Variants in TENM3 observed in about 807,000 individuals in gnomAD.
The protein encoded by TENM3 is teneurin-3.
A neutral mutation model predicts 255.1 loss-of-function variants in TENM3; 63 were observed. The ratio of observed to expected loss-of-function variants is 0.25; its 90% CI spans 0.20 to 0.30. The LOEUF (loss-of-function observed/expected upper bound fraction) is 0.30, where lower values mean the gene tolerates loss of function less well. Among genes scored for constraint, TENM3 ranks in the 10% least tolerant of loss-of-function variants. The pLI is 1.00. For synonymous variants in TENM3, 1,306 were observed against 1,322.3 expected, an observed-to-expected ratio of 0.99 and a Z score of 0.27; for missense variants, 2,929 against 3,461.1, an observed-to-expected ratio of 0.85 and a Z score of 3.86.
At chr4:182,569,592 G>A (rs1028495476) in intron 3 of TENM3, among the ~76,000 whole-genome samples, 4 of 151,854 alleles carry the variant, frequency 2.6e-5, no homozygotes, top group African/African-American at 9.7e-5. Context: ...AGGAAAGTAG[G>A]GTACCAAATT....
At chr4:182,784,928 G>T (rs376476332) in intron 24 of TENM3, among the ~76,000 whole-genome samples, 56 of 152,192 alleles carry the variant, frequency 3.7e-4, no homozygotes, top group African/African-American at 1.2e-3. Context: ...CACGGTGCGC[G>T]CACCCACTGA....
chr4:181,534,470 C>CT, the TENM3 span, among the ~76,000 whole-genome samples: 4 of 102,896 alleles, frequency 3.9e-5, no homozygotes, highest in South Asian at 3.3e-4. Flanking sequence ...AGGTCTTCCC[C>CT]CCCCCCACAG....
intron 3 of TENM3, among the ~76,000 whole-genome samples, chr4:182,589,420 CAT>C (rs1038128495): frequency 2.0e-5 from 3 of 148,590 alleles, no homozygotes; most frequent in Admixed American, 6.7e-5. Context: ...CTTATTTTTT[CAT>C]AGTGTCTAAT....
the TENM3 span, among the ~76,000 whole-genome samples, chr4:181,561,685 A>G: frequency 6.6e-6 from 1 of 152,186 alleles, no homozygotes; most frequent in African/African-American, 2.4e-5. Context: ...GGCATTTTAC[A>G]TATAACTAAT....
At chr4:182,161,122 T>C (rs1751121133) in intron 1 of TENM3, among the ~76,000 whole-genome samples, 1 of 147,808 alleles carries the variant, frequency 6.8e-6, no homozygotes, top group Non-Finnish European at 1.5e-5. Context: ...CTAGTAAAAA[T>C]ACAAAAATTA....
intron 3 of TENM3, among the ~76,000 whole-genome samples, chr4:182,450,370 G>A (rs1561460004): frequency 6.6e-6 from 1 of 152,052 alleles, no homozygotes. Context: ...AGTGCAGCAT[G>A]TACTGGTCTG....
intron 1 of TENM3, among the ~76,000 whole-genome samples, chr4:182,261,693 G>T (rs1422734344): frequency 2.0e-5 from 3 of 152,150 alleles, no homozygotes; most frequent in Non-Finnish European, 2.9e-5. Flanking sequence ...TCCAAATCGG[G>T]GCATTCCCTA....
chr4:182,444,215 T>G (rs532883993), intron 3 of TENM3, among the ~76,000 whole-genome samples: 2 of 152,340 alleles, frequency 1.3e-5, no homozygotes, highest in South Asian at 4.1e-4. Flanking sequence ...ACCCATGATT[T>G]TAAATATAGT....
the TENM3 span, among the ~76,000 whole-genome samples, chr4:182,002,224 T>C: frequency 6.6e-6 from 1 of 152,184 alleles, no homozygotes; most frequent in African/African-American, 2.4e-5. Flanking sequence ...GAAAGCATGT[T>C]TACTTGAACT....
the TENM3 span, among the ~76,000 whole-genome samples, chr4:182,090,874 A>G: frequency 6.6e-6 from 1 of 152,216 alleles, no homozygotes; most frequent in African/African-American, 2.4e-5. Context: ...CTCTAGAGAA[A>G]TAATAACCAT....
At chr4:181,748,568 G>A in the TENM3 span, among the ~76,000 whole-genome samples, 3 of 152,026 alleles carry the variant, frequency 2.0e-5, no homozygotes, top group African/African-American at 7.2e-5. Flanking sequence ...GCTAGTGACG[G>A]TTTATACAGT....
chr4:182,337,205 G>T (rs1764199131), intron 2 of TENM3, among the ~76,000 whole-genome samples: 1 of 152,090 alleles, frequency 6.6e-6, no homozygotes, highest in South Asian at 2.1e-4. Context: ...TGATAAATTG[G>T]ACTTCATCAA....
chr4:182,691,648 A>G (rs1401494235), intron 12 of TENM3, among the ~76,000 whole-genome samples: 1 of 152,210 alleles, frequency 6.6e-6, no homozygotes, highest in Non-Finnish European at 1.5e-5. Flanking sequence ...CTGCAGGTTC[A>G]TCATCCCAAG....
intron 1 of TENM3, among the ~76,000 whole-genome samples, chr4:182,285,671 T>C (rs1760686777): frequency 6.6e-6 from 1 of 152,010 alleles, no homozygotes; most frequent in African/African-American, 2.4e-5. Flanking sequence ...TTTTGGAGCA[T>C]GGGAAGAATT....
chr4:181,998,136 T>A, the TENM3 span, among the ~76,000 whole-genome samples: 1 of 152,188 alleles, frequency 6.6e-6, no homozygotes, highest in African/African-American at 2.4e-5. Context: ...CTCATGAACA[T>A]CTGATGAGGG....
At chr4:181,763,736 G>T in the TENM3 span, among the ~76,000 whole-genome samples, 1,623 of 152,230 alleles carry the variant, frequency 0.011, 16 homozygotes, top group Middle Eastern at 0.051. Flanking sequence ...CTCTGTCCTC[G>T]CTGATAAGTA....
intron 1 of TENM3, among the ~76,000 whole-genome samples, chr4:182,250,722 G>A (rs1352873911): frequency 3.3e-5 from 5 of 152,136 alleles, no homozygotes; most frequent in East Asian, 1.9e-4. Context: ...CTGGCTAACC[G>A]CATTTTTCCA....
At chr4:181,997,909 A>T in the TENM3 span, among the ~76,000 whole-genome samples, 1 of 152,188 alleles carries the variant, frequency 6.6e-6, no homozygotes, top group South Asian at 2.1e-4. Flanking sequence ...AAACAATTAG[A>T]TTTATTTACT....
chr4:181,759,120 C>T, the TENM3 span, among the ~76,000 whole-genome samples: 2 of 151,556 alleles, frequency 1.3e-5, no homozygotes, highest in African/African-American at 4.9e-5. Flanking sequence ...TAATGCAGGG[C>T]GGGGAGCTGG....
Sources: gnomAD v4.1 joint callset for allele counts (sites outside exome capture counted in the v4.1 genomes callset) on GRCh38, gnomAD v4.1.1 for gene constraint, MANE v1.5 for transcripts, NCBI Gene and HGNC (gene_info 2026-07-23, HGNC 2026-07-21) for gene names.